The following GPC5 variants were observed in gnomAD, a reference collection of about 807,000 sequenced individuals.
The protein encoded by GPC5 is glypican 5.
A neutral mutation model predicts 53.9 loss-of-function variants in GPC5; 47 were observed. That is an observed-to-expected ratio of 0.87 (90% CI 0.69 to 1.11). GPC5 has a LOEUF of 1.11. GPC5 is among the 50% of genes most tolerant of loss of function. The probability of loss-of-function intolerance (pLI) is 0.00; values close to 1 mark genes in which losing one functional copy is unlikely to be tolerated. For missense variants in GPC5, 748 were observed against 713.1 expected, an observed-to-expected ratio of 1.05 and a Z score of -0.56; for synonymous variants, 286 against 263.3, an observed-to-expected ratio of 1.09 and a Z score of -0.84.
intron 7 of GPC5, among the ~76,000 whole-genome samples, chr13:92,304,378 G>A (rs1326587996): frequency 6.6e-6 from 1 of 151,654 alleles, no homozygotes; most frequent in African/African-American, 2.4e-5. Flanking sequence ...CTAATTTTTT[G>A]TATTTTTAGT....
At chr13:92,192,326 G>A (rs772785908) in intron 7 of GPC5, among the ~76,000 whole-genome samples, 20 of 152,164 alleles carry the variant, frequency 1.3e-4, no homozygotes, top group African/African-American at 4.1e-4. Flanking sequence ...GAAGGTGTGC[G>A]AGTGGGGTTG....
At chr13:92,162,646 A>T (rs1394828435) in intron 7 of GPC5, among the ~76,000 whole-genome samples, 1 of 152,236 alleles carries the variant, frequency 6.6e-6, no homozygotes, top group Non-Finnish European at 1.5e-5. Flanking sequence ...GATCTACATG[A>T]AATTCCAGAA....
intron 7 of GPC5, among the ~76,000 whole-genome samples, chr13:92,376,016 C>T (rs1201285469): frequency 1.3e-5 from 2 of 152,118 alleles, no homozygotes; most frequent in Non-Finnish European, 2.9e-5. Context: ...CCTCACATGT[C>T]TTTTTAAAGT....
intron 2 of GPC5, chr13:91,486,179 G>A (rs1453816087): frequency 6.6e-6 from 1 of 152,170 alleles, no homozygotes; most frequent in Non-Finnish European, 1.5e-5. Context: ...GGGTAACCAA[G>A]ACTCTAACCC....
At chr13:91,994,092 T>G (rs2040482391) in intron 6 of GPC5, among the ~76,000 whole-genome samples, 1 of 152,214 alleles carries the variant, frequency 6.6e-6, no homozygotes, top group Non-Finnish European at 1.5e-5. Flanking sequence ...ATATGCCACT[T>G]TGGCTCTATT....
At chr13:91,476,779 A>G (rs1267884112) in intron 2 of GPC5, among the ~76,000 whole-genome samples, 2 of 152,210 alleles carry the variant, frequency 1.3e-5, no homozygotes, top group African/African-American at 4.8e-5. Context: ...GGAAGACAGG[A>G]TGGGCCTCAC....
rs1018746406 is a variant in GPC5, at chr13:92,802,310, G to A, written c.1562-63972G>A. 7.9e-5 allele frequency among the ~76,000 whole-genome samples: 12 copies of A among 151,706 alleles called. No homozygotes were observed. In the South Asian group the frequency reaches 1.2e-3, roughly 16 times the overall value. ...AGGTTTGTGTAAGTATACTCATGAC[G>A]TTCATACAACGATTAAATTGCCTAA... On this transcript the variant is annotated intron_variant, in intron 7 of 7. Coordinates refer to ENST00000377067, the MANE Select transcript of GPC5 (RefSeq NM_004466.6).
At chr13:92,638,606 G>C (rs929811730) in intron 7 of GPC5, among the ~76,000 whole-genome samples, 1 of 152,140 alleles carries the variant, frequency 6.6e-6, no homozygotes, top group African/African-American at 2.4e-5. Context: ...AAGCTCTACA[G>C]AAGTGTCTTC....
chr13:92,595,824 G>A (rs982607505), intron 7 of GPC5, among the ~76,000 whole-genome samples: 1 of 149,628 alleles, frequency 6.7e-6, no homozygotes, highest in East Asian at 2.0e-4. Flanking sequence ...TAATCTTTTC[G>A]GTAATTTCGA....
Position 91,571,814 on chromosome 13 carries a change from C to CGT in GPC5, c.326-121366_326-121365dup, listed in dbSNP as rs375272699. ...GTGTGTGTATATATACACACACATA[C>CGT]GTGTGTGTATATATACACATATACT... On this transcript the variant is annotated intron_variant, in intron 2 of 7. Transcript: ENST00000377067. 5.0e-4 allele frequency among the ~76,000 whole-genome samples: 48 copies of CGT among 95,724 alleles called. 2 individuals carry two copies. The highest frequency in any genetic ancestry group is 1.4e-3 in the Admixed American group (14 of 10,046). The allele number at this position is 95,724 out of a possible 152,430, so 62.8% of individuals were successfully genotyped here.
chr13:92,702,598 A>G (rs1887788472), intron 7 of GPC5, among the ~76,000 whole-genome samples: 1 of 151,994 alleles, frequency 6.6e-6, no homozygotes, highest in East Asian at 1.9e-4. Flanking sequence ...GTCATTTTTC[A>G]TCACCTCTCC....
intron 7 of GPC5, among the ~76,000 whole-genome samples, chr13:92,705,384 G>A (rs1230615977): frequency 6.6e-6 from 1 of 152,030 alleles, no homozygotes; most frequent in Non-Finnish European, 1.5e-5. Context: ...TTCTGAGTAA[G>A]TTTTTATAGG....
At chr13:92,485,172 C>A (rs955644702) in intron 7 of GPC5, among the ~76,000 whole-genome samples, 3 of 152,168 alleles carry the variant, frequency 2.0e-5, no homozygotes, top group Admixed American at 1.3e-4. Flanking sequence ...AAGTTTCAAA[C>A]ACTAAACCTG....
chr13:92,645,772 T>A (rs566218873), intron 7 of GPC5, among the ~76,000 whole-genome samples: 1 of 152,268 alleles, frequency 6.6e-6, no homozygotes, highest in East Asian at 1.9e-4. Flanking sequence ...ATTCCCCTGA[T>A]GATTAATAAT....
At chr13:92,470,421 T>C (rs1878863606) in intron 7 of GPC5, among the ~76,000 whole-genome samples, 1 of 152,158 alleles carries the variant, frequency 6.6e-6, no homozygotes, top group Non-Finnish European at 1.5e-5. Flanking sequence ...CGTGCAGTTT[T>C]GTTACATAGG....
At chr13:91,788,086 C>T (rs1470021250) in intron 5 of GPC5, among the ~76,000 whole-genome samples, 1 of 152,078 alleles carries the variant, frequency 6.6e-6, no homozygotes, top group Non-Finnish European at 1.5e-5. Flanking sequence ...TCTTGGCCTG[C>T]TATAACAAAA....
At chr13:91,535,177 T>C (rs532009351) in intron 2 of GPC5, among the ~76,000 whole-genome samples, 5 of 152,338 alleles carry the variant, frequency 3.3e-5, no homozygotes, top group African/African-American at 1.2e-4. Context: ...ATTTTCTCTC[T>C]TGTTTCTCTG....
chr13:92,432,232 T>C (rs1260588645), intron 7 of GPC5, among the ~76,000 whole-genome samples: 1 of 152,196 alleles, frequency 6.6e-6, no homozygotes, highest in Non-Finnish European at 1.5e-5. Flanking sequence ...CTCCCTGATA[T>C]CGTACTTCTG....
At chr13:92,717,470 A>G (rs1050917303) in intron 7 of GPC5, among the ~76,000 whole-genome samples, 5 of 152,144 alleles carry the variant, frequency 3.3e-5, no homozygotes, top group African/African-American at 1.2e-4. Context: ...TTTTATTCTG[A>G]GTTTATCAAA....
Sources: allele counts gnomAD v4.1 joint callset (sites outside exome capture counted in the v4.1 genomes callset), GRCh38; gene constraint gnomAD v4.1.1; transcripts MANE v1.5; gene names NCBI Gene and HGNC (gene_info 2026-07-23, HGNC 2026-07-21).